The following TBC1D5 variants were observed in gnomAD, a reference collection of about 807,000 sequenced individuals.
TBC1D5 encodes TBC1 domain family, member 5.
A neutral mutation model predicts 100.3 loss-of-function variants in TBC1D5; 75 were observed. That is an observed-to-expected ratio of 0.75 (90% CI 0.62 to 0.91). The LOEUF (loss-of-function observed/expected upper bound fraction) is 0.91. Among genes scored for constraint, TBC1D5 ranks in the 40% least tolerant of loss-of-function variants. TBC1D5 has a pLI of 0.00. For synonymous variants in TBC1D5, 323 were observed against 325.6 expected, an observed-to-expected ratio of 0.99 and a Z score of 0.09; for missense variants, 910 against 942.4, an observed-to-expected ratio of 0.97 and a Z score of 0.45.
chr3:17,589,088 GA>G lies in TBC1D5; in HGVS notation c.-36+34760del, dbSNP rs749807896. Among the ~76,000 whole-genome samples the G allele has an allele frequency of 4.2e-4, 64 of 152,322 alleles. 1 individual carries two copies. The East Asian group carries it at 8.1e-3, about 19-fold the overall frequency. On this transcript the variant is annotated intron_variant, in intron 2 of 21. Coordinates refer to ENST00000253692, the Ensembl canonical transcript of TBC1D5. The stretch of plus-strand genomic sequence containing the variant: ...ATACTGTGCAGATTCAACAAAAGGG[GA>G]AAGTTTTTATTGTGAAGTTCATTCA...
chr3:17,649,706 T>C (rs1482663404), intron 1 of TBC1D5, among the ~76,000 whole-genome samples: 6 of 152,098 alleles, frequency 3.9e-5, no homozygotes, highest in African/African-American at 1.4e-4. Context: ...GAGTGTAAAT[T>C]AGTTCAACCA....
chr3:17,189,816 A>AT (rs2069640094), intron 18 of TBC1D5, among the ~76,000 whole-genome samples: 1 of 152,182 alleles, frequency 6.6e-6, no homozygotes, highest in Admixed American at 6.5e-5. Context: ...TTTACCTGAG[A>AT]TTCACCAGCT....
intron 8 of TBC1D5, among the ~76,000 whole-genome samples, chr3:17,400,317 C>G (rs1255588337): frequency 1.2e-4 from 18 of 152,054 alleles, no homozygotes; most frequent in Admixed American, 1.2e-3. Context: ...TCCTCATAGA[C>G]TGAAATGAAA....
intron 15 of TBC1D5, among the ~76,000 whole-genome samples, chr3:17,277,012 G>C (rs1394028650): frequency 6.6e-6 from 1 of 152,194 alleles, no homozygotes; most frequent in Non-Finnish European, 1.5e-5. Flanking sequence ...ACCCCAGTCT[G>C]AATTACAATG....
intron 2 of TBC1D5, among the ~76,000 whole-genome samples, chr3:17,611,746 T>TAG (rs1231197645): frequency 6.6e-6 from 1 of 152,082 alleles, no homozygotes; most frequent in African/African-American, 2.4e-5. Flanking sequence ...GGTAGCAAAG[T>TAG]AGAGATAAGT....
At chr3:17,710,599 T>C in intron 1 of TBC1D5, among the ~76,000 whole-genome samples, 1 of 151,122 alleles carries the variant, frequency 6.6e-6, no homozygotes. Flanking sequence ...AATAAAAATA[T>C]ATTGATAAAA....
At chr3:17,426,452 G>T (rs1190450510) in intron 4 of TBC1D5, among the ~76,000 whole-genome samples, 1 of 151,962 alleles carries the variant, frequency 6.6e-6, no homozygotes, top group Non-Finnish European at 1.5e-5. Flanking sequence ...TTTAACAACA[G>T]CACTGGCCTG....
chr3:17,599,366 A>G (rs1293960192), intron 2 of TBC1D5, among the ~76,000 whole-genome samples: 1 of 152,184 alleles, frequency 6.6e-6, no homozygotes, highest in Admixed American at 6.5e-5. Flanking sequence ...GAAGAGAATA[A>G]GCACCTGAAG....
intron 2 of TBC1D5, among the ~76,000 whole-genome samples, chr3:17,545,088 GA>G (rs1485006313): frequency 1.3e-5 from 2 of 151,808 alleles, no homozygotes; most frequent in Admixed American, 1.3e-4. Flanking sequence ...TAAAAGCTGT[GA>G]TTTTTTTTTA....
At chr3:17,462,301 A>C (rs931918776) in intron 3 of TBC1D5, among the ~76,000 whole-genome samples, 1 of 146,912 alleles carries the variant, frequency 6.8e-6, no homozygotes, top group Non-Finnish European at 1.5e-5. Context: ...CACGTGCTAT[A>C]TTTAAATGTT....
At chr3:17,523,829 T>C (rs956058504) in intron 2 of TBC1D5, among the ~76,000 whole-genome samples, 1 of 152,122 alleles carries the variant, frequency 6.6e-6, no homozygotes, top group Admixed American at 6.6e-5. Context: ...TAGGGAATCA[T>C]AGATACTACA....
intron 1 of TBC1D5, among the ~76,000 whole-genome samples, chr3:17,659,312 A>G (rs569572602): frequency 4.6e-5 from 7 of 152,328 alleles, no homozygotes; most frequent in Non-Finnish European, 1.0e-4. Flanking sequence ...TCATATGAAT[A>G]TTCTGGCACA....
chr3:17,437,823 C>T lies in TBC1D5; in HGVS notation c.98-9304G>A, dbSNP rs542928768. 9.2e-5 allele frequency among the ~76,000 whole-genome samples: 14 copies of T among 152,208 alleles called. No individual in the cohort carries two copies. The South Asian group carries it at 2.9e-3, about 32-fold the overall frequency. On this transcript the variant is annotated intron_variant, in intron 3 of 21. Transcript: ENST00000253692. The stretch of plus-strand genomic sequence containing the variant: ...TGATGATACACAGGCCTTTCCTATT[C>T]TAAAATTATTAGCTTCTACTGTACT...
intron 2 of TBC1D5, among the ~76,000 whole-genome samples, chr3:17,556,205 AC>A (rs934946875): frequency 1.3e-5 from 2 of 152,048 alleles, no homozygotes; most frequent in Non-Finnish European, 2.9e-5. Context: ...TTAGTTAGAG[AC>A]AGGGTTTCAC....
intron 2 of TBC1D5, among the ~76,000 whole-genome samples, chr3:17,567,408 A>G (rs948558572): frequency 2.0e-5 from 3 of 151,778 alleles, no homozygotes; most frequent in African/African-American, 7.2e-5. Flanking sequence ...ACTATATGAC[A>G]AGATATGATA....
At chr3:17,654,053 T>C (rs1037139283) in intron 1 of TBC1D5, among the ~76,000 whole-genome samples, 4 of 152,170 alleles carry the variant, frequency 2.6e-5, no homozygotes, top group African/African-American at 9.7e-5. Flanking sequence ...TAATTAAATT[T>C]TAAAAATCAG....
chr3:17,229,952 G>A (rs1387175206), intron 17 of TBC1D5, among the ~76,000 whole-genome samples: 1 of 152,152 alleles, frequency 6.6e-6, no homozygotes, highest in Non-Finnish European at 1.5e-5. Flanking sequence ...TTTTGGAATA[G>A]ATGTTCCACA....
chr3:17,224,325 T>G (rs938733638), intron 17 of TBC1D5, among the ~76,000 whole-genome samples: 1 of 152,214 alleles, frequency 6.6e-6, no homozygotes, highest in African/African-American at 2.4e-5. Flanking sequence ...CCAATGCTGA[T>G]CAACAGAAAT....
intron 2 of TBC1D5, among the ~76,000 whole-genome samples, chr3:17,543,835 T>C (rs147993290): frequency 5.1e-4 from 78 of 152,086 alleles, no homozygotes; most frequent in Middle Eastern, 3.4e-3. Flanking sequence ...TCTGATTCAA[T>C]AGAGCTTAAA....
Sources: allele counts gnomAD v4.1 joint callset (sites outside exome capture counted in the v4.1 genomes callset), GRCh38; gene constraint gnomAD v4.1.1; transcripts MANE v1.5; gene names NCBI Gene and HGNC (gene_info 2026-07-23, HGNC 2026-07-21).